FAAH2: variants seen among roughly 807,000 people sequenced by gnomAD.
FAAH2 encodes the protein fatty acid amide hydrolase 2, also known as fatty-acid amide hydrolase 2.
Under a neutral mutation model 36.9 loss-of-function variants are expected in FAAH2, and 60 were observed. The ratio of observed to expected loss-of-function variants is 1.63; its 90% CI spans 1.32 to 2.02. The LOEUF (loss-of-function observed/expected upper bound fraction) is 2.02, where lower values mean the gene tolerates loss of function less well. FAAH2 is among the 30% of genes most tolerant of loss of function. FAAH2 has a pLI of 0.00. For synonymous variants in FAAH2, 214 were observed against 143.8 expected (o/e 1.49, Z -3.49); for missense variants, 689 against 397.5 (o/e 1.73, Z -6.23).
chrX:57,372,904 T>C (rs770773423), intron 5 of FAAH2, among the ~76,000 whole-genome samples: 18 of 109,794 alleles, frequency 1.6e-4, no homozygotes, highest in Non-Finnish European at 3.2e-4. Context: ...GTCCCGAGAG[T>C]CCATTATATC....
the FAAH2 span, among the ~76,000 whole-genome samples, chrX:57,253,792 G>A: frequency 9.0e-6 from 1 of 110,546 alleles, no homozygotes. Context: ...AAGGAAAGGA[G>A]CAACCCATAC....
At chrX:57,172,502 G>A in the FAAH2 span, among the ~76,000 whole-genome samples, 2 of 111,652 alleles carry the variant, frequency 1.8e-5, no homozygotes, top group Non-Finnish European at 3.8e-5. Context: ...TAGCTTTGCC[G>A]TCTATAGGTG....
chrX:57,340,063 A>C (rs943904966), intron 4 of FAAH2, among the ~76,000 whole-genome samples: 4 of 111,754 alleles, frequency 3.6e-5, no homozygotes, highest in Non-Finnish European at 7.5e-5. Context: ...CCAAAACCTC[A>C]AAAGTAGGAA....
At chrX:57,228,666 T>C in the FAAH2 span, among the ~76,000 whole-genome samples, 1 of 111,181 alleles carries the variant, frequency 9.0e-6, no homozygotes, top group Non-Finnish European at 1.9e-5. Flanking sequence ...CCATCAAATT[T>C]ACACATTTTA....
chrX:57,331,574 C>T, intron 3 of FAAH2, 24 bp from the exon 4 acceptor site: 1 of 1,173,371 alleles, frequency 8.5e-7, no homozygotes, highest in Non-Finnish European at 1.2e-6. Flanking sequence ...AATTTTTAAA[C>T]ATTCTTTTCT....
chrX:57,340,335 T>G (rs1057447218), intron 4 of FAAH2, among the ~76,000 whole-genome samples: 1 of 111,734 alleles, frequency 8.9e-6, no homozygotes, highest in African/African-American at 3.3e-5. Flanking sequence ...GTCCACTGAC[T>G]CGAATATTAA....
intron 5 of FAAH2, among the ~76,000 whole-genome samples, chrX:57,366,468 G>A (rs1434414123): frequency 8.9e-6 from 1 of 112,378 alleles, no homozygotes; most frequent in Non-Finnish European, 1.9e-5. Context: ...AACAGACGCT[G>A]CTAGCAAAGG....
At chrX:57,312,019 C>A (rs1049026468) in intron 3 of FAAH2, among the ~76,000 whole-genome samples, 1 of 112,319 alleles carries the variant, frequency 8.9e-6, no homozygotes, top group African/African-American at 3.2e-5. Flanking sequence ...CCTCCCTCCA[C>A]AGGGTGGGTC....
the FAAH2 span, among the ~76,000 whole-genome samples, chrX:57,227,874 G>A: frequency 1.8e-5 from 2 of 111,235 alleles, no homozygotes; most frequent in African/African-American, 6.5e-5. Flanking sequence ...TGTTTACCAA[G>A]GCAGATTATG....
At chrX:57,247,351 A>T in the FAAH2 span, among the ~76,000 whole-genome samples, 1 of 111,973 alleles carries the variant, frequency 8.9e-6, no homozygotes, top group Non-Finnish European at 1.9e-5. Context: ...TCCACTCAAG[A>T]GATACTGTCC....
upstream of FAAH2, chrX:57,286,686 G>T (rs1295903183): frequency 3.4e-6 from 2 of 580,467 alleles, no homozygotes; most frequent in Admixed American, 1.1e-4. Context: ...TGATAAACAA[G>T]CTCCTGTGGA....
chrX:57,471,779 T>C (rs1468782914), intron 10 of FAAH2, among the ~76,000 whole-genome samples: 1 of 111,530 alleles, frequency 9.0e-6, no homozygotes. Flanking sequence ...GAGCCCGCAT[T>C]GCCAAGTCAA....
the FAAH2 span, among the ~76,000 whole-genome samples, chrX:57,231,432 G>A: frequency 1.8e-5 from 2 of 111,117 alleles, no homozygotes; most frequent in Non-Finnish European, 3.8e-5. Context: ...TTCTGTTATA[G>A]ACCTCTGTCT....
chrX:57,288,540 C>A (rs1369662041), intron 1 of FAAH2, among the ~76,000 whole-genome samples: 2 of 107,433 alleles, frequency 1.9e-5, no homozygotes, highest in Non-Finnish European at 3.8e-5. Flanking sequence ...TTAGTAGAGA[C>A]GGGTTTTCAT....
At chrX:57,150,963 C>G in the FAAH2 span, among the ~76,000 whole-genome samples, 1 of 111,928 alleles carries the variant, frequency 8.9e-6, no homozygotes, top group African/African-American at 3.2e-5. Flanking sequence ...CTGGTGGTGA[C>G]AAAATCTCTC....
intron 8 of FAAH2, among the ~76,000 whole-genome samples, chrX:57,444,985 G>C (rs2056643039): frequency 9.0e-6 from 1 of 111,389 alleles, no homozygotes; most frequent in Non-Finnish European, 1.9e-5. Context: ...TTGGTCACTG[G>C]TGCCTTATTT....
chrX:57,141,384 G>A, the FAAH2 span, among the ~76,000 whole-genome samples: 21 of 111,863 alleles, frequency 1.9e-4, no homozygotes, highest in Admixed American at 5.7e-4. Flanking sequence ...GGTAATATTG[G>A]CGTATAATGT....
the FAAH2 span, among the ~76,000 whole-genome samples, chrX:57,221,035 C>A: frequency 9.0e-6 from 1 of 111,551 alleles, no homozygotes; most frequent in Non-Finnish European, 1.9e-5. Context: ...CTCTGCTTTA[C>A]CTAATTTTTC....
chrX:57,259,659 G>A, the FAAH2 span, among the ~76,000 whole-genome samples: 2 of 111,947 alleles, frequency 1.8e-5, no homozygotes, highest in African/African-American at 3.2e-5. Flanking sequence ...GGTCAAATTT[G>A]CTAACAGAGT....
Sources: gnomAD v4.1 joint callset for allele counts (sites outside exome capture counted in the v4.1 genomes callset) on GRCh38, gnomAD v4.1.1 for gene constraint, MANE v1.5 for transcripts, NCBI Gene and HGNC (gene_info 2026-07-23, HGNC 2026-07-21) for gene names.